ABCA13: variants seen among roughly 807,000 people sequenced by gnomAD.
The protein encoded by ABCA13 is ATP binding cassette subfamily A member 13, also known as ATP-binding cassette sub-family A member 13.
A neutral mutation model predicts 478.7 loss-of-function variants in ABCA13; 476 were observed. That is an observed-to-expected ratio of 0.99 (90% confidence interval 0.92 to 1.07). ABCA13 has a LOEUF of 1.07. ABCA13 is among the 50% of genes least tolerant of loss of function. The pLI, the probability that ABCA13 is intolerant of heterozygous loss-of-function variation, is 0.00. For missense variants in ABCA13, 6,060 were observed against 5,910.6 expected (o/e 1.03, Z -0.83); for synonymous variants, 2,252 against 2,158.9 (o/e 1.04, Z -1.20).
At chr7:48,232,199 T>G (rs1789252417) in intron 7 of ABCA13, among the ~76,000 whole-genome samples, 1 of 138,752 alleles carries the variant, frequency 7.2e-6, no homozygotes, top group African/African-American at 2.7e-5. Flanking sequence ...TCATTAACGT[T>G]TAACTCCATT....
intron 38 of ABCA13, among the ~76,000 whole-genome samples, chr7:48,401,934 G>A (rs1817668772): frequency 6.6e-6 from 1 of 152,128 alleles, no homozygotes; most frequent in African/African-American, 2.4e-5. Context: ...TAGAGAGCAG[G>A]CCCCAGCTTC....
intron 19 of ABCA13, among the ~76,000 whole-genome samples, chr7:48,281,771 C>T (rs1797081907): frequency 6.6e-6 from 1 of 152,216 alleles, no homozygotes. Flanking sequence ...CTGGGGGTGT[C>T]TTGTCCAGAA....
In ABCA13 at chr7:48,274,558, G is replaced by C; in HGVS notation, c.4892G>C (p.Gly1631Ala). 1 of 1,613,826 alleles carries C rather than the reference G, an allele frequency of 6.2e-7. No individual in the cohort carries two copies. The highest frequency in any genetic ancestry group is 8.5e-7 in the Non-Finnish European group (1 of 1,179,834). Residue 1631 changes from glycine (G) to alanine (A), a missense_variant, in exon 17 of 62, where the codon GGT becomes GCT. Gly to Ala is a moderately conservative substitution (Grantham distance 60). This residue lies in a region of ABCA13 where 4,423 missense variants were observed against 4,309.1 expected (regional missense o/e 1.03). Transcript: ENST00000435803. ...SPEIMKATGL[G>A]IQLIRDVFNS... ...GAAATAATGAAAGCTACAGGTCTTG[G>C]TATTCAACTGATAAGGGATGTGTTC...
Position 48,278,889 on chromosome 7 carries a change from T to A in ABCA13, c.7695T>A (p.Ser2565Arg), listed in dbSNP as rs1398337946. 6.2e-7 allele frequency: 1 copy of A among 1,613,372 alleles called. No individual in the cohort carries two copies. The highest frequency in any genetic ancestry group is 8.5e-7 in the Non-Finnish European group (1 of 1,179,844). The change falls in exon 18 of 62, where the codon AGT becomes AGA. Residue 2565 changes from serine to arginine, a missense_variant. By Grantham distance (110) the Ser-to-Arg change is moderately radical. Coordinates refer to ENST00000435803, the MANE Select transcript of ABCA13 (RefSeq NM_152701.5). ...FDTLYSIMQQ[S>R]VQNLVKEIAT... ...CTCTGTATTCCATCATGCAACAAAG[T>A]GTTCAAAATCTTGTGAAAGAAATAG...
intron 43 of ABCA13, among the ~76,000 whole-genome samples, chr7:48,462,449 C>A (rs1266024017): frequency 2.0e-5 from 3 of 151,900 alleles, no homozygotes; most frequent in African/African-American, 4.8e-5. Context: ...GGATTCCCCC[C>A]CCCCTACTGT....
chr7:48,445,908 A>G (rs912928083), intron 42 of ABCA13, among the ~76,000 whole-genome samples: 1 of 152,078 alleles, frequency 6.6e-6, no homozygotes, highest in African/African-American at 2.4e-5. Flanking sequence ...AGTGGTAACC[A>G]CTTGGCCTTA....
At chr7:48,230,056 T>C in intron 7 of ABCA13, 101 bp downstream of exon 7, 1 of 1,337,872 alleles carries the variant, frequency 7.5e-7, no homozygotes, top group Non-Finnish European at 9.9e-7. Context: ...AATGATTTAA[T>C]TAAAATTTCA....
At chr7:48,417,597 C>G (rs1820197890) in intron 41 of ABCA13, among the ~76,000 whole-genome samples, 1 of 152,140 alleles carries the variant, frequency 6.6e-6, no homozygotes, top group African/African-American at 2.4e-5. Context: ...CATTCTGTGT[C>G]CCTCTGCCTC....
chr7:48,276,587 G>C (rs770132866), intron 17 of ABCA13, 22 bp downstream of exon 17: 14 of 1,593,690 alleles, frequency 8.8e-6, no homozygotes, highest in Non-Finnish European at 1.1e-5. Context: ...TTTGCTTTGT[G>C]TCATATATGC....
intron 59 of ABCA13, among the ~76,000 whole-genome samples, chr7:48,628,109 G>T (rs1031654852): frequency 1.2e-4 from 19 of 152,226 alleles, no homozygotes; most frequent in Middle Eastern, 3.4e-3. Context: ...CCGCTGTAAA[G>T]TTCTTTCCCA....
At chr7:48,565,473 AAATACCCGAGAGAACTTC>A (rs1786952898) in intron 55 of ABCA13, among the ~76,000 whole-genome samples, 1 of 152,058 alleles carries the variant, frequency 6.6e-6, no homozygotes. Flanking sequence ...TACCAATCTG[AAATACCCGAGAGAACTTC>A]AACTTGTATT....
intron 3 of ABCA13, among the ~76,000 whole-genome samples, chr7:48,202,832 G>C (rs1168311077): frequency 6.6e-6 from 1 of 152,270 alleles, no homozygotes; most frequent in African/African-American, 2.4e-5. Flanking sequence ...CCAGACTCAG[G>C]AGCCCAGCTG....
At chr7:48,432,317 A>G (rs1388166365) in intron 42 of ABCA13, among the ~76,000 whole-genome samples, 1 of 152,178 alleles carries the variant, frequency 6.6e-6, no homozygotes, top group Non-Finnish European at 1.5e-5. Flanking sequence ...AAGACAAAAG[A>G]TAACACATGC....
intron 56 of ABCA13, among the ~76,000 whole-genome samples, chr7:48,585,157 C>G (rs1789057136): frequency 6.6e-6 from 1 of 152,072 alleles, no homozygotes; most frequent in African/African-American, 2.4e-5. Flanking sequence ...TTTATAAGAC[C>G]CTTCCTTTAA....
chr7:48,284,499 A>T (rs1797462193), intron 19 of ABCA13, among the ~76,000 whole-genome samples: 1 of 152,206 alleles, frequency 6.6e-6, no homozygotes, highest in Admixed American at 6.5e-5. Context: ...GTAAAATTCA[A>T]ATCAAACTTC....
intron 1 of ABCA13, among the ~76,000 whole-genome samples, chr7:48,184,096 T>G (rs1796051046): frequency 6.6e-6 from 1 of 152,220 alleles, no homozygotes; most frequent in African/African-American, 2.4e-5. Flanking sequence ...ATGCATATGG[T>G]CACTGACAAT....
rs1471639955 is a variant in ABCA13, at chr7:48,519,027, A to G, written c.13798-1014A>G. Among the ~76,000 whole-genome samples, 9 of 149,838 alleles carry G rather than the reference A, an allele frequency of 6.0e-5. 1 individual carries two copies. The East Asian group carries it at 1.6e-3, about 26-fold the overall frequency. ...CCTGTCCTTGTGTTCATGCGTTCTC[A>G]TTGCTCAGCTCCCACTTATAAGTGG... On this transcript the variant is annotated intron_variant, in intron 52 of 61. Transcript: ENST00000435803.
At chr7:48,425,858 C>T (rs1413870750) in intron 41 of ABCA13, among the ~76,000 whole-genome samples, 1 of 152,058 alleles carries the variant, frequency 6.6e-6, no homozygotes, top group Non-Finnish European at 1.5e-5. Flanking sequence ...TCTCCTGCCT[C>T]AGCCTCCGGA....
chr7:48,528,397 A>G, intron 55 of ABCA13, 52 bp downstream of exon 55: 1 of 1,257,294 alleles, frequency 8.0e-7, no homozygotes. Flanking sequence ...ATAAGCCCAG[A>G]GAACCCCCAG....
Sources: allele counts gnomAD v4.1 joint callset (sites outside exome capture counted in the v4.1 genomes callset), GRCh38; gene constraint gnomAD v4.1.1; regional missense constraint gnomAD v4.1.1; transcripts MANE v1.5; gene names NCBI Gene and HGNC (gene_info 2026-07-23, HGNC 2026-07-21).